GRID2: variants seen among roughly 807,000 people sequenced by gnomAD.
The protein encoded by GRID2 is glutamate receptor ionotropic, delta-2.
In GRID2, 33 loss-of-function variants were observed where a neutral mutation model predicts 114.8. That is an observed-to-expected ratio of 0.29 (90% confidence interval 0.22 to 0.38). The LOEUF (loss-of-function observed/expected upper bound fraction) is 0.38. Among genes scored for constraint, GRID2 ranks in the 10% least tolerant of loss-of-function variants. The pLI is 1.00. For missense variants in GRID2, 1,184 were observed against 1,257.7 expected, an observed-to-expected ratio of 0.94 and a Z score of 0.89; for synonymous variants, 505 against 449.9, an observed-to-expected ratio of 1.12 and a Z score of -1.55.
At chr4:93,445,327 T>C (rs1228336037) in intron 10 of GRID2, among the ~76,000 whole-genome samples, 1 of 152,024 alleles carries the variant, frequency 6.6e-6, no homozygotes, top group Non-Finnish European at 1.5e-5. Context: ...TTCTTTCATG[T>C]TGATTTTTAA....
At chr4:93,705,580 T>C (rs1441212159) in intron 14 of GRID2, among the ~76,000 whole-genome samples, 3 of 152,224 alleles carry the variant, frequency 2.0e-5, no homozygotes, top group African/African-American at 4.8e-5. Flanking sequence ...ATTCTGGTTA[T>C]TAATCCCTTG....
chr4:92,475,118 A>G (rs1370115991), intron 1 of GRID2, among the ~76,000 whole-genome samples: 3 of 124,854 alleles, frequency 2.4e-5, no homozygotes, highest in African/African-American at 3.3e-5. Flanking sequence ...TTAAAGTATA[A>G]TAATAATAAT....
intron 3 of GRID2, among the ~76,000 whole-genome samples, chr4:93,106,567 C>T (rs768799833): frequency 6.6e-6 from 1 of 152,152 alleles, no homozygotes; most frequent in Non-Finnish European, 1.5e-5. Flanking sequence ...AGGCAATCCA[C>T]CTGCCTTGGC....
chr4:93,270,459 G>C (rs552998896), intron 8 of GRID2, among the ~76,000 whole-genome samples: 65 of 152,098 alleles, frequency 4.3e-4, no homozygotes, highest in Admixed American at 1.5e-3. Context: ...CCAAAGGTTA[G>C]AGACATTTTG....
At chr4:92,972,465 A>G (rs1753583552) in intron 2 of GRID2, among the ~76,000 whole-genome samples, 1 of 152,270 alleles carries the variant, frequency 6.6e-6, no homozygotes, top group African/African-American at 2.4e-5. Context: ...TGAATAACAG[A>G]TAATGTAACA....
intron 2 of GRID2, among the ~76,000 whole-genome samples, chr4:92,745,331 C>A (rs762798416): frequency 2.0e-5 from 3 of 152,044 alleles, no homozygotes; most frequent in Non-Finnish European, 4.4e-5. Flanking sequence ...TAGAGTATTT[C>A]CCTTTGTTGA....
intron 6 of GRID2, among the ~76,000 whole-genome samples, chr4:93,219,077 C>G (rs571992558): frequency 6.6e-6 from 1 of 152,032 alleles, no homozygotes; most frequent in South Asian, 2.1e-4. Flanking sequence ...TATCAATATG[C>G]TTATAATGTC....
intron 1 of GRID2, among the ~76,000 whole-genome samples, chr4:92,470,505 T>C (rs555137532): frequency 1.2e-4 from 18 of 152,014 alleles, no homozygotes; most frequent in Admixed American, 3.3e-4. Context: ...GAATTTTATT[T>C]CTGTAATGTC....
chr4:92,639,830 A>T (rs1731258109), intron 2 of GRID2, among the ~76,000 whole-genome samples: 1 of 151,884 alleles, frequency 6.6e-6, no homozygotes, highest in East Asian at 1.9e-4. Flanking sequence ...ATGAAATAAA[A>T]TGAGATTACA....
intron 2 of GRID2, among the ~76,000 whole-genome samples, chr4:92,737,369 AAG>A (rs1736646706): frequency 6.6e-6 from 1 of 151,560 alleles, no homozygotes; most frequent in Non-Finnish European, 1.5e-5. Context: ...TGTCAGATAG[AAG>A]AGTCTGCCCA....
At chr4:92,935,585 C>T (rs577125309) in intron 2 of GRID2, among the ~76,000 whole-genome samples, 5 of 146,526 alleles carry the variant, frequency 3.4e-5, no homozygotes, top group South Asian at 2.3e-4. Context: ...CACACACACA[C>T]GTATGTTTAT....
At chr4:92,340,137 G>A (rs2110160774) in intron 1 of GRID2, among the ~76,000 whole-genome samples, 1 of 152,196 alleles carries the variant, frequency 6.6e-6, no homozygotes, top group South Asian at 2.1e-4. Flanking sequence ...TATTACTTGT[G>A]AAAATTTGGA....
chr4:92,573,688 T>TATTTCA, intron 1 of GRID2, among the ~76,000 whole-genome samples: 1 of 152,170 alleles, frequency 6.6e-6, no homozygotes, highest in East Asian at 1.9e-4. Flanking sequence ...TGTTTGTTAT[T>TATTTCA]ATTTCAATTA....
At chr4:93,621,713 A>G (rs149799278) in intron 13 of GRID2, among the ~76,000 whole-genome samples, 12 of 152,326 alleles carry the variant, frequency 7.9e-5, no homozygotes, top group Non-Finnish European at 1.6e-4. Flanking sequence ...GGCAGTGATT[A>G]TATGTTTTAA....
chr4:93,545,499 A>G (rs1279777189), intron 13 of GRID2, among the ~76,000 whole-genome samples: 2 of 152,168 alleles, frequency 1.3e-5, no homozygotes, highest in African/African-American at 2.4e-5. Context: ...CTGGTATACA[A>G]TGAAGTTGAA....
intron 8 of GRID2, among the ~76,000 whole-genome samples, chr4:93,343,769 G>A (rs528044528): frequency 1.3e-5 from 2 of 152,200 alleles, no homozygotes; most frequent in East Asian, 3.9e-4. Context: ...TGGAGAGGAT[G>A]CTGATCTCTG....
At chr4:93,459,180 C>CAAAAAAA (rs57937928) in intron 11 of GRID2, among the ~76,000 whole-genome samples, 2 of 50,042 alleles carry the variant, frequency 4.0e-5, no homozygotes, top group Admixed American at 3.6e-4. Flanking sequence ...AACTCCATCT[C>CAAAAAAA]AAAAAAAAAA....
At chr4:93,066,706 AT>A (rs963683072) in intron 2 of GRID2, among the ~76,000 whole-genome samples, 4 of 151,802 alleles carry the variant, frequency 2.6e-5, no homozygotes, top group Non-Finnish European at 5.9e-5. Context: ...TAAGCATATG[AT>A]TTTTTTTCAT....
chr4:93,055,935 C>A (rs1238287654), intron 2 of GRID2, among the ~76,000 whole-genome samples: 1 of 152,028 alleles, frequency 6.6e-6, no homozygotes, highest in Non-Finnish European at 1.5e-5. Flanking sequence ...TTATGCTCCC[C>A]TCATCTCCAA....
Sources: allele counts gnomAD v4.1 joint callset (sites outside exome capture counted in the v4.1 genomes callset), GRCh38; gene constraint gnomAD v4.1.1; transcripts MANE v1.5; gene names NCBI Gene and HGNC (gene_info 2026-07-23, HGNC 2026-07-21).